ATP9A: variants seen among roughly 807,000 people sequenced by gnomAD.
The protein encoded by ATP9A is probable phospholipid-transporting ATPase IIA.
In ATP9A, 52 loss-of-function variants were observed where a neutral mutation model predicts 144.1. That is an observed-to-expected ratio of 0.36 (90% CI 0.29 to 0.45). ATP9A has a LOEUF of 0.45. Among genes scored for constraint, ATP9A ranks in the 20% least tolerant of loss-of-function variants. The pLI, the probability that ATP9A is intolerant of heterozygous loss-of-function variation, is 1.00. For synonymous variants in ATP9A, 582 were observed against 557.4 expected (o/e 1.04, Z -0.62); for missense variants, 947 against 1,392.7 (o/e 0.68, Z 5.09).
chr20:51,715,869 T>G (rs1351300471), intron 3 of ATP9A, among the ~76,000 whole-genome samples: 1 of 152,184 alleles, frequency 6.6e-6, no homozygotes. Context: ...GAGGCAGCTG[T>G]TGGAGCTGGT....
At chr20:51,728,836 A>ATT (rs2077727080) in intron 2 of ATP9A, among the ~76,000 whole-genome samples, 1 of 151,786 alleles carries the variant, frequency 6.6e-6, no homozygotes, top group Non-Finnish European at 1.5e-5. Flanking sequence ...CTATCACTCA[A>ATT]TATCTAACAC....
intron 1 of ATP9A, among the ~76,000 whole-genome samples, chr20:51,762,880 T>A (rs1286108571): frequency 6.6e-6 from 1 of 151,714 alleles, no homozygotes. Context: ...TGGCTTTTTT[T>A]ATTATTATTA....
chr20:51,649,690 A>T (rs1436077076), intron 14 of ATP9A, among the ~76,000 whole-genome samples: 1 of 152,062 alleles, frequency 6.6e-6, no homozygotes. Context: ...CAAGGCGGGC[A>T]GATCACTTGA....
chr20:51,664,414 C>A (rs1272139050), intron 13 of ATP9A, among the ~76,000 whole-genome samples: 2 of 151,796 alleles, frequency 1.3e-5, no homozygotes, highest in Non-Finnish European at 2.9e-5. Context: ...GGTAACACCC[C>A]CTCTCTCTAC....
Position 51,674,201 on chromosome 20 carries a change from A to G in ATP9A, c.989T>C (p.Leu330Pro). The part of the protein sequence containing the change: ...ALQHFAGRWY[L>P]QIIRFLLLFS... The stretch of plus-strand genomic sequence containing the variant: ...CAAGAGGAGGAAGCGGATGATCTGC[A>G]GGTACCAACGGCCTGCAAAGTGCTG... Residue 330 changes from leucine to proline, a missense_variant, in exon 11 of 28, where the codon CTG becomes CCG. By Grantham distance (98) the Leu-to-Pro change is moderately conservative. Around this residue, in one of 2 missense-constraint regions of ATP9A, gnomAD observed 770 missense variants for 1,047.9 expected, o/e 0.73. Transcript: ENST00000338821. 1 of 1,614,076 alleles carries G rather than the reference A, an allele frequency of 6.2e-7. No homozygotes were observed. The highest frequency in any genetic ancestry group is 1.1e-5 in the South Asian group (1 of 91,066).
At chr20:51,679,280 C>T (rs1304087168) in intron 9 of ATP9A, among the ~76,000 whole-genome samples, 1 of 152,056 alleles carries the variant, frequency 6.6e-6, no homozygotes, top group Non-Finnish European at 1.5e-5. Flanking sequence ...GCCGAGATCA[C>T]GCCACTGTAC....
chr20:51,622,257 G>A (rs1415687700), intron 18 of ATP9A, 85 bp from the exon 19 acceptor site: 1 of 1,095,586 alleles, frequency 9.1e-7, no homozygotes, highest in Non-Finnish European at 1.4e-6. Flanking sequence ...CCAACAACAT[G>A]GAGCTGAACT....
rs1490126142 is a variant in ATP9A at position 51,720,749 on chromosome 20, G to A, written c.327+5070C>T. Among the ~76,000 whole-genome samples, 5 of 152,258 alleles carry A rather than the reference G, an allele frequency of 3.3e-5. No homozygotes were observed. The South Asian group carries it at 6.2e-4, about 19-fold the overall frequency. On this transcript the variant is annotated intron_variant, in intron 3 of 27. Transcript: ENST00000338821. ...CTGAGGAGGCTGAGGCATGAGAATCGTTTGAACCCGGGAGGTGATGGCTAC... is the reference window on the plus strand; with the variant it reads ...CTGAGGAGGCTGAGGCATGAGAATCATTTGAACCCGGGAGGTGATGGCTAC...
chr20:51,727,020 G>A (rs748530653), intron 2 of ATP9A, among the ~76,000 whole-genome samples: 7 of 150,306 alleles, frequency 4.7e-5, no homozygotes, highest in East Asian at 4.0e-4. Context: ...CCAGCCAGGC[G>A]CAGAGGCTCA....
chr20:51,748,904 A>C (rs1345009286), intron 1 of ATP9A, among the ~76,000 whole-genome samples: 1 of 121,022 alleles, frequency 8.3e-6, no homozygotes, highest in Non-Finnish European at 1.8e-5. Flanking sequence ...GCGCCTCTAA[A>C]GATTAGATAG....
intron 23 of ATP9A, among the ~76,000 whole-genome samples, chr20:51,613,201 T>C (rs1406195317): frequency 6.6e-6 from 1 of 152,236 alleles, no homozygotes; most frequent in Admixed American, 6.5e-5. Context: ...CATTCTTCTT[T>C]AGTGGTTGTT....
chr20:51,705,770 C>G (rs1320994160), intron 4 of ATP9A, among the ~76,000 whole-genome samples: 1 of 152,096 alleles, frequency 6.6e-6, no homozygotes, highest in East Asian at 1.9e-4. Context: ...TTGGGGAAGG[C>G]AAGTATAAAG....
At chr20:51,656,915 T>C (rs1568806044) in intron 14 of ATP9A, 23 bp downstream of exon 14, 4 of 1,606,172 alleles carry the variant, frequency 2.5e-6, no homozygotes, top group Non-Finnish European at 3.4e-6. Context: ...TCCCCATGCC[T>C]TGCTGCACCT....
chr20:51,640,581 C>T (rs1338222472), intron 14 of ATP9A, among the ~76,000 whole-genome samples: 2 of 152,168 alleles, frequency 1.3e-5, no homozygotes, highest in African/African-American at 2.4e-5. Flanking sequence ...CACCTGGATC[C>T]GCCTGGTGTA....
At position 51,617,177 on chromosome 20, in the gene ATP9A, AGTG is replaced by A. The variant is rs906119939; in HGVS notation, c.2415+310_2415+312del. Among the ~76,000 whole-genome samples, 119 of 109,176 alleles carry A rather than the reference AGTG, an allele frequency of 1.1e-3. 2 individuals are homozygous for A. Among genetic ancestry groups the A allele is most frequent in the Non-Finnish European group, 1.8e-3 (92 of 52,044 alleles). The allele number at this position is 109,176 out of a possible 152,430, so 71.6% of individuals were successfully genotyped here. On this transcript the variant is annotated intron_variant, in intron 22 of 27. Coordinates refer to ENST00000338821, the MANE Select transcript of ATP9A (RefSeq NM_006045.3). Reference sequence around the variant, plus strand: ...GGCTGGCCTCAAACTCCTGACCTCAAGTGATGATCCACCCACCTCAGCCTCCCA... The same window carrying A: ...GGCTGGCCTCAAACTCCTGACCTCAAATGATCCACCCACCTCAGCCTCCCA...
At chr20:51,637,650 T>C (rs189141686) in intron 15 of ATP9A, among the ~76,000 whole-genome samples, 2 of 151,496 alleles carry the variant, frequency 1.3e-5, no homozygotes, top group East Asian at 1.9e-4. Flanking sequence ...GGCAGGGCCA[T>C]GTGCCCAACA....
Position 51,695,206 on chromosome 20 carries a change from T to C in ATP9A, c.547+887A>G, listed in dbSNP as rs150742025. Among the ~76,000 whole-genome samples, 614 of 152,282 alleles carry C rather than the reference T, an allele frequency of 4.0e-3. 2 individuals carry two copies. Among genetic ancestry groups the C allele is most frequent in the Non-Finnish European group, 6.4e-3 (436 of 68,022 alleles). On this transcript the variant is annotated intron_variant, in intron 6 of 27. Transcript: ENST00000338821. ...ACAAAAATTAAAACTAAGGCCATTT[T>C]GGCCAGGCGTGGTGGCTCACACCTG... is the stretch of plus-strand genomic sequence containing the variant.
chr20:51,600,851 T>A lies in ATP9A; in HGVS notation c.*360A>T. 2.6e-5 allele frequency: 4 copies of A among 156,728 alleles called. No individual in the cohort carries two copies. The highest frequency in any genetic ancestry group is 4.0e-5 in the Non-Finnish European group (3 of 75,286). 9.7% of individuals were successfully genotyped at this position (156,728 alleles called of 1,614,324 possible). On this transcript the variant is annotated 3_prime_UTR_variant, in exon 28 of 28. Coordinates refer to ENST00000338821, the MANE Select transcript of ATP9A (RefSeq NM_006045.3). ...ACACACACACACACACACACAAGCC[T>A]TCTACAACCTTCAGCTACACAGAAA...
At chr20:51,669,541 T>C (rs558752506) in intron 13 of ATP9A, among the ~76,000 whole-genome samples, 1 of 152,318 alleles carries the variant, frequency 6.6e-6, no homozygotes, top group South Asian at 2.1e-4. Context: ...CTCCGGGTCA[T>C]AGCCAGGGAA....
Sources: allele counts gnomAD v4.1 joint callset (sites outside exome capture counted in the v4.1 genomes callset), GRCh38; gene constraint gnomAD v4.1.1; regional missense constraint gnomAD v4.1.1; transcripts MANE v1.5; gene names NCBI Gene and HGNC (gene_info 2026-07-23, HGNC 2026-07-21).